C4orf50: variants seen among roughly 807,000 people sequenced by gnomAD.
C4orf50 encodes uncharacterized protein C4orf50.
C4orf50 carries 80 observed loss-of-function variants against 77.2 expected under a neutral mutation model. That is an observed-to-expected ratio of 1.04 (90% confidence interval 0.87 to 1.25). The LOEUF is 1.25. Ranked by LOEUF, C4orf50 falls within the 50% of genes most tolerant of loss-of-function variation. C4orf50 has a pLI of 0.00. For synonymous variants in C4orf50, 532 were observed against 465.3 expected (o/e 1.14, Z -1.84); for missense variants, 1,257 against 1,152.9 (o/e 1.09, Z -1.31).
At chr4:5,988,109 A>G (rs1004928565) in intron 28 of C4orf50, among the ~76,000 whole-genome samples, 1 of 152,160 alleles carries the variant, frequency 6.6e-6, no homozygotes, top group East Asian at 1.9e-4. Flanking sequence ...AGCAGGTGGG[A>G]ACAGAGATCC....
intron 28 of C4orf50, among the ~76,000 whole-genome samples, chr4:5,988,045 C>A (rs1055299205): frequency 1.3e-5 from 2 of 151,376 alleles, no homozygotes; most frequent in African/African-American, 2.5e-5. Context: ...AGTGTGAACA[C>A]CCCGTGGGTG....
At chr4:5,973,345 G>A (rs1230158800) in intron 31 of C4orf50, among the ~76,000 whole-genome samples, 5 of 152,332 alleles carry the variant, frequency 3.3e-5, no homozygotes, top group Middle Eastern at 3.4e-3. Context: ...CACAGGTCCC[G>A]GCACAAAAGA....
At chr4:5,944,053 T>G (rs1718381670) in intron 7 of C4orf50, among the ~76,000 whole-genome samples, 1 of 152,040 alleles carries the variant, frequency 6.6e-6, no homozygotes, top group Admixed American at 6.5e-5. Flanking sequence ...GAACCCTGTC[T>G]CTCTTGCCAC....
intron 25 of C4orf50, among the ~76,000 whole-genome samples, chr4:5,996,991 A>G (rs999534293): frequency 6.6e-6 from 1 of 152,246 alleles, no homozygotes; most frequent in Non-Finnish European, 1.5e-5. Context: ...AGAGAAAATG[A>G]GAGAGAAAGA....
chr4:6,000,116 G>A lies in C4orf50; in HGVS notation c.964-5640C>T, dbSNP rs1721769293. ...TCACCACTGTTGTCCAGAGCAAGGTGCTGAAGACCTGCGTGTGGCTCTCGG... is the reference window on the plus strand; with the variant it reads ...TCACCACTGTTGTCCAGAGCAAGGTACTGAAGACCTGCGTGTGGCTCTCGG... On this transcript the variant is annotated intron_variant, in intron 25 of 33. Coordinates refer to ENST00000531445, the Ensembl canonical transcript of C4orf50. This position sits in a 1 kb window ranked among gnomAD's most constrained non-coding sequence, Gnocchi z 6.0. Among the ~76,000 whole-genome samples the A allele has an allele frequency of 6.6e-6, 1 of 152,168 alleles. No homozygotes were observed.
intron 7 of C4orf50, among the ~76,000 whole-genome samples, chr4:5,935,318 G>A (rs1419490707): frequency 6.6e-6 from 1 of 152,186 alleles, no homozygotes; most frequent in East Asian, 1.9e-4. Context: ...CCAGTAACAG[G>A]GGGAATTAGA....
At chr4:5,971,227 C>T (rs541875525) in intron 31 of C4orf50, among the ~76,000 whole-genome samples, 2 of 152,364 alleles carry the variant, frequency 1.3e-5, no homozygotes, top group South Asian at 2.1e-4. Context: ...AGGCCCCCAT[C>T]GGGAATTCCA....
chr4:6,013,248 C>T lies in C4orf50; in HGVS notation c.288-1280G>A, dbSNP rs957806886. On this transcript the variant is annotated intron_variant, in intron 23 of 33. Transcript: ENST00000531445. ...GGTGGCAGACCAGAGTGTGCTCTCT[C>T]GTGAGGATCATAACCAAGATCCTTC... is the stretch of plus-strand genomic sequence containing the variant. Among the ~76,000 whole-genome samples, 3 of 152,140 alleles carry T rather than the reference C, an allele frequency of 2.0e-5. No homozygotes were observed. In the South Asian group the frequency reaches 6.2e-4, roughly 32 times the overall value.
At chr4:5,948,463 G>A (rs932906843) in intron 7 of C4orf50, among the ~76,000 whole-genome samples, 7 of 152,118 alleles carry the variant, frequency 4.6e-5, no homozygotes, top group East Asian at 3.9e-4. Context: ...TCAGGAGATC[G>A]AAACCAGCCT....
chr4:5,918,819 G>A (rs1050622954), intron 7 of C4orf50, among the ~76,000 whole-genome samples: 4 of 152,220 alleles, frequency 2.6e-5, no homozygotes, highest in African/African-American at 9.6e-5. Context: ...ATGCCAGAAC[G>A]ACTGGGGAGC....
At chr4:5,934,358 A>C (rs115513506) in intron 7 of C4orf50, among the ~76,000 whole-genome samples, 1 of 152,114 alleles carries the variant, frequency 6.6e-6, no homozygotes, top group Non-Finnish European at 1.5e-5. Flanking sequence ...AAGCTTCCTC[A>C]TATTGGAAAA....
At chr4:5,930,789 A>C (rs1438327445) in intron 7 of C4orf50, among the ~76,000 whole-genome samples, 4 of 152,232 alleles carry the variant, frequency 2.6e-5, no homozygotes, top group African/African-American at 9.6e-5. Context: ...GCACGTGAGC[A>C]CCATGAAGGC....
chr4:5,959,383 C>T (rs368908260), exon 34 of C4orf50: 1 of 1,613,230 alleles, frequency 6.2e-7, no homozygotes, highest in Non-Finnish European at 8.5e-7. Flanking sequence ...TATTACATTT[C>T]TAACTCCAGC....
At chr4:5,972,797 C>CG (rs2086548238) in intron 31 of C4orf50, among the ~76,000 whole-genome samples, 1 of 152,208 alleles carries the variant, frequency 6.6e-6, no homozygotes, top group African/African-American at 2.4e-5. Context: ...GCTAGTCTGG[C>CG]GGGGGCGTTG....
exon 28 of C4orf50, chr4:5,989,425 C>T (rs1721117930): frequency 3.3e-6 from 5 of 1,536,106 alleles, no homozygotes; most frequent in Non-Finnish European, 4.4e-6. Flanking sequence ...ACCTTCACCA[C>T]TCTCTTTAGA....
intron 28 of C4orf50, among the ~76,000 whole-genome samples, chr4:5,982,079 G>A (rs190740649): frequency 3.3e-5 from 5 of 152,152 alleles, no homozygotes; most frequent in South Asian, 2.1e-4. Flanking sequence ...AAATATACAC[G>A]ACATGGGCCT....
At chr4:5,912,605 CA>C (rs1382325150) in intron 7 of C4orf50, among the ~76,000 whole-genome samples, 2 of 152,128 alleles carry the variant, frequency 1.3e-5, no homozygotes, top group Non-Finnish European at 2.9e-5. Flanking sequence ...ATGTGACAGA[CA>C]TAGAGACAAC....
At chr4:5,990,656 C>A (rs533232668) in exon 28 of C4orf50, 2 of 399,102 alleles carry the variant, frequency 5.0e-6, no homozygotes, top group Non-Finnish European at 8.8e-6. Context: ...AGAGGGAGTG[C>A]GGATGTCTGC....
chr4:5,898,071 AG>A (rs1482390155), exon 8 of C4orf50: 3 of 152,258 alleles, frequency 2.0e-5, no homozygotes, highest in African/African-American at 7.2e-5. Context: ...TTTGGGATTC[AG>A]CGGGAAAGTA....
Sources: allele counts gnomAD v4.1 joint callset (sites outside exome capture counted in the v4.1 genomes callset), GRCh38; gene constraint gnomAD v4.1.1; non-coding constraint Gnocchi (gnomAD v3.1); transcripts MANE v1.5; gene names NCBI Gene and HGNC (gene_info 2026-07-23, HGNC 2026-07-21).